CDIN1: variants seen among roughly 807,000 people sequenced by gnomAD.
CDIN1 encodes CDAN1 interacting nuclease 1.
Under a neutral mutation model 45.3 loss-of-function variants are expected in CDIN1, and 33 were observed. That is an observed-to-expected ratio of 0.73 (90% confidence interval 0.55 to 0.97). The LOEUF is 0.97. CDIN1 is among the 50% of genes least tolerant of loss of function. The pLI is 0.00. For synonymous variants in CDIN1, 118 were observed against 124.4 expected, an observed-to-expected ratio of 0.95 and a Z score of 0.34; for missense variants, 303 against 339.4, an observed-to-expected ratio of 0.89 and a Z score of 0.84.
intron 5 of CDIN1, among the ~76,000 whole-genome samples, chr15:36,688,346 A>C (rs2042131926): frequency 6.6e-6 from 1 of 152,134 alleles, no homozygotes; most frequent in Non-Finnish European, 1.5e-5. Context: ...GAGTGCACAG[A>C]TGTTTATTAT....
chr15:36,696,742 TA>T (rs1341139940), intron 7 of CDIN1, among the ~76,000 whole-genome samples: 1 of 152,116 alleles, frequency 6.6e-6, no homozygotes, highest in African/African-American at 2.4e-5. Context: ...AAAGTACATT[TA>T]AAATGACTCT....
intron 10 of CDIN1, among the ~76,000 whole-genome samples, chr15:36,767,039 A>G (rs1429740048): frequency 6.6e-6 from 1 of 152,012 alleles, no homozygotes; most frequent in Non-Finnish European, 1.5e-5. Flanking sequence ...CTTTTTCCCT[A>G]TGCTTTCTTC....
At chr15:36,722,985 G>T (rs888112) in intron 10 of CDIN1, among the ~76,000 whole-genome samples, 3,603 of 119,100 alleles carry the variant, frequency 0.03, 241 homozygotes, top group African/African-American at 0.089. Flanking sequence ...GTGTGTGTGT[G>T]TTTCTCTCTC....
intron 1 of CDIN1, among the ~76,000 whole-genome samples, chr15:36,584,167 A>G (rs1023889055): frequency 1.7e-4 from 26 of 152,220 alleles, no homozygotes; most frequent in African/African-American, 6.0e-4. Flanking sequence ...GATTAAATCT[A>G]AGAGTATGTG....
intron 7 of CDIN1, among the ~76,000 whole-genome samples, chr15:36,692,528 A>T (rs1035683870): frequency 6.6e-6 from 1 of 152,190 alleles, no homozygotes; most frequent in African/African-American, 2.4e-5. Context: ...ACAAATTTCC[A>T]TTTAAAATGA....
At chr15:36,663,914 A>G (rs1241437485) in intron 5 of CDIN1, among the ~76,000 whole-genome samples, 2 of 152,246 alleles carry the variant, frequency 1.3e-5, no homozygotes, top group East Asian at 1.9e-4. Flanking sequence ...ATCCAGCAAC[A>G]CTGTAAAATG....
Position 36,703,293 on chromosome 15 carries a change from TATATC to T in CDIN1, c.544+5905_544+5909del, listed in dbSNP as rs1159868916. 8.1e-5 allele frequency among the ~76,000 whole-genome samples: 9 copies of T among 110,430 alleles called. 2 individuals carry two copies. The highest frequency in any genetic ancestry group is 3.5e-4 in the African/African-American group (9 of 25,710). 72.4% of individuals were successfully genotyped at this position (110,430 alleles called of 152,430 possible). ...CTGATAGATCTATCAGATATATACA[TATATC>T]AGATAGATCTATCAGATATATACAT... On this transcript the variant is annotated intron_variant, in intron 8 of 10. Coordinates refer to ENST00000566621, the MANE Select transcript of CDIN1 (RefSeq NM_001321759.2).
At chr15:36,784,521 T>C (rs940635636) in intron 10 of CDIN1, among the ~76,000 whole-genome samples, 4 of 152,256 alleles carry the variant, frequency 2.6e-5, no homozygotes, top group Non-Finnish European at 4.4e-5. Flanking sequence ...TCTTTTGCCC[T>C]TGTTTACTTA....
rs527870033 is a variant in CDIN1 at position 36,693,897 on chromosome 15, ACTTTC to A, written c.476+1727_476+1731del. Among the ~76,000 whole-genome samples the A allele has an allele frequency of 5.8e-3, 882 of 152,238 alleles. 6 individuals carry two copies. The highest frequency in any genetic ancestry group is 9.8e-3 in the Non-Finnish European group (667 of 67,990). On this transcript the variant is annotated intron_variant, in intron 7 of 10. Coordinates refer to ENST00000566621, the MANE Select transcript of CDIN1 (RefSeq NM_001321759.2). ...TTTCCTTACATTTTTGCCACCATTC[ACTTTC>A]CTTTTTTGGTTGTGTTATTGCCAGT...
intron 10 of CDIN1, among the ~76,000 whole-genome samples, chr15:36,725,191 C>A (rs1595523154): frequency 6.6e-6 from 1 of 152,156 alleles, no homozygotes; most frequent in Admixed American, 6.5e-5. Context: ...CATTGCATTT[C>A]TCTCCTTGCC....
chr15:36,676,371 T>C (rs2041650228), intron 5 of CDIN1, among the ~76,000 whole-genome samples: 1 of 152,160 alleles, frequency 6.6e-6, no homozygotes, highest in African/African-American at 2.4e-5. Context: ...TTAACTGCTT[T>C]CTAATTATGC....
At chr15:36,747,916 A>G (rs2044502290) in intron 10 of CDIN1, among the ~76,000 whole-genome samples, 1 of 152,168 alleles carries the variant, frequency 6.6e-6, no homozygotes, top group Non-Finnish European at 1.5e-5. Context: ...ATAACACTAC[A>G]CTGTGAGTTA....
intron 10 of CDIN1, among the ~76,000 whole-genome samples, chr15:36,728,567 T>TA (rs1301153834): frequency 2.5e-4 from 37 of 146,826 alleles, no homozygotes; most frequent in African/African-American, 8.7e-4. Flanking sequence ...TTTTTTTTTT[T>TA]AAATGCCACG....
intron 10 of CDIN1, among the ~76,000 whole-genome samples, chr15:36,730,545 C>T (rs752313861): frequency 6.5e-4 from 99 of 152,038 alleles, no homozygotes; most frequent in Non-Finnish European, 1.1e-3. Flanking sequence ...GTGAATTAAC[C>T]AAAACAACCT....
In CDIN1 at chr15:36,653,456, T is replaced by TAAAA. The variant is rs10634949; in HGVS notation, c.213-631_213-628dup. On this transcript the variant is annotated intron_variant, in intron 3 of 10. Transcript: ENST00000566621. The stretch of plus-strand genomic sequence containing the variant: ...GGGGAATGACACATTCAAATTTTTG[T>TAAAA]AAAAAAAAAAAAAATCCCCCCAGCT... Among the ~76,000 whole-genome samples, 376 of 147,290 alleles carry TAAAA rather than the reference T, an allele frequency of 2.6e-3. 2 individuals carry two copies. The highest frequency in any genetic ancestry group is 9.0e-3 in the African/African-American group (363 of 40,198).
chr15:36,608,811 TA>T (rs1003162158), intron 1 of CDIN1, among the ~76,000 whole-genome samples: 2 of 151,546 alleles, frequency 1.3e-5, no homozygotes, highest in Non-Finnish European at 2.9e-5. Flanking sequence ...TATGTTAAAT[TA>T]AAAAAAAACT....
chr15:36,753,298 C>A (rs2053524134), intron 10 of CDIN1, among the ~76,000 whole-genome samples: 2 of 152,126 alleles, frequency 1.3e-5, no homozygotes, highest in Admixed American at 1.3e-4. Context: ...TTTAGCATGA[C>A]AAAGTTGCTC....
rs761451923 is a variant in CDIN1 at position 36,774,133 on chromosome 15, G to GGTGTGTGTGTGTGT, written c.717-34173_717-34160dup. On this transcript the variant is annotated intron_variant, in intron 10 of 10. Transcript: ENST00000566621. The stretch of plus-strand genomic sequence containing the variant: ...CACCTGCCGGCAAGTAACTGACAGG[G>GGTGTGTGTGTGTGT]GTGTGTGTGTGTGTGTGTGTGTGTG... Among the ~76,000 whole-genome samples, 825 of 138,784 alleles carry GGTGTGTGTGTGTGT rather than the reference G, an allele frequency of 5.9e-3. 16 individuals carry two copies. Among genetic ancestry groups the GGTGTGTGTGTGTGT allele is most frequent in the African/African-American group, 0.021 (765 of 36,730 alleles). The allele number at this position is 138,784 out of a possible 152,430, so 91.0% of individuals were successfully genotyped here. A position where few individuals can be genotyped will look rare whatever the true frequency, so the allele number is the denominator to read the frequency against.
At chr15:36,608,921 A>C (rs2038508473) in intron 1 of CDIN1, among the ~76,000 whole-genome samples, 3 of 152,098 alleles carry the variant, frequency 2.0e-5, no homozygotes, top group Admixed American at 1.3e-4. Flanking sequence ...TTATACACAA[A>C]TATATATATT....
Sources: gnomAD v4.1 joint callset for allele counts (sites outside exome capture counted in the v4.1 genomes callset) on GRCh38, gnomAD v4.1.1 for gene constraint, MANE v1.5 for transcripts, NCBI Gene and HGNC (gene_info 2026-07-23, HGNC 2026-07-21) for gene names.